The following RAB5A variants were observed in gnomAD, a reference collection of about 807,000 sequenced individuals.
The protein encoded by RAB5A is RAB5A, member RAS oncogene family.
In RAB5A, 8 loss-of-function variants were observed where a neutral mutation model predicts 25.7. The observed-to-expected ratio is 0.31, with a 90% CI of 0.18 to 0.56. The LOEUF (loss-of-function observed/expected upper bound fraction) is 0.56. RAB5A is among the 20% of genes least tolerant of loss of function. The pLI is 0.91. For missense variants in RAB5A, 192 were observed against 259.7 expected (o/e 0.74, Z 1.79); for synonymous variants, 98 against 89.8 (o/e 1.09, Z -0.52).
intron 5 of RAB5A, among the ~76,000 whole-genome samples, chr3:19,980,591 ACTCACCT>A (rs1375597884): frequency 6.6e-6 from 1 of 151,456 alleles, no homozygotes; most frequent in Non-Finnish European, 1.5e-5. Context: ...TCTTAATCTC[ACTCACCT>A]CTGATTTAAA....
intron 2 of RAB5A, among the ~76,000 whole-genome samples, chr3:19,957,158 G>C (rs1031850531): frequency 6.7e-6 from 1 of 148,158 alleles, no homozygotes; most frequent in Admixed American, 6.6e-5. Context: ...CAAACTCCTG[G>C]GCTACAGCAG....
At chr3:19,974,606 G>A (rs1696795826) in intron 2 of RAB5A, among the ~76,000 whole-genome samples, 1 of 151,382 alleles carries the variant, frequency 6.6e-6, no homozygotes, top group Non-Finnish European at 1.5e-5. Flanking sequence ...CAATTAAAGT[G>A]TCACAATGTT....
chr3:19,965,393 C>G (rs968231244), intron 2 of RAB5A, among the ~76,000 whole-genome samples: 60 of 150,300 alleles, frequency 4.0e-4, no homozygotes, highest in African/African-American at 1.4e-3. Context: ...CTGCCCCAAC[C>G]TGGGTGACAG....
At chr3:19,964,458 C>T (rs954967489) in intron 2 of RAB5A, among the ~76,000 whole-genome samples, 8 of 152,190 alleles carry the variant, frequency 5.3e-5, no homozygotes, top group African/African-American at 1.4e-4. Flanking sequence ...GTTCCTGTTA[C>T]GTAAATCTAA....
At chr3:19,974,098 G>A (rs769796159) in intron 2 of RAB5A, among the ~76,000 whole-genome samples, 4 of 152,082 alleles carry the variant, frequency 2.6e-5, no homozygotes, top group Non-Finnish European at 5.9e-5. Context: ...AGCAGCAGAG[G>A]GCGGTCTAAT....
chr3:19,978,480 T>C lies in RAB5A; in HGVS notation c.532+77T>C, dbSNP rs573306118. On this transcript the variant is annotated intron_variant, in intron 5 of 5. Coordinates refer to ENST00000273047, the MANE Select transcript of RAB5A (RefSeq NM_004162.5). ...AGCATATTTGGTTTGACTGTCTCTTTTTTAAAAAATTTTTGGGGGTGGGTT... is the reference window on the plus strand; with the variant it reads ...AGCATATTTGGTTTGACTGTCTCTTCTTTAAAAAATTTTTGGGGGTGGGTT... 9.1e-4 allele frequency: 980 copies of C among 1,073,952 alleles called. 4 individuals carry two copies. The highest frequency in any genetic ancestry group is 1.6e-3 in the Admixed American group (75 of 46,828). The allele number at this position is 1,073,952 out of a possible 1,614,324, so 66.5% of individuals were successfully genotyped here.
At chr3:19,979,648 A>G (rs574117877) in intron 5 of RAB5A, among the ~76,000 whole-genome samples, 32 of 152,298 alleles carry the variant, frequency 2.1e-4, no homozygotes, top group African/African-American at 7.7e-4. Context: ...TGGAGTAGTA[A>G]TAAGCCTCCT....
intron 2 of RAB5A, among the ~76,000 whole-genome samples, chr3:19,954,510 A>G (rs986799622): frequency 6.6e-5 from 10 of 152,288 alleles, no homozygotes; most frequent in Middle Eastern, 6.8e-3. Context: ...CCTAAATACA[A>G]TAACTTGATT....
chr3:19,957,069 A>G (rs948418943), intron 2 of RAB5A, among the ~76,000 whole-genome samples: 1 of 146,488 alleles, frequency 6.8e-6, no homozygotes, highest in African/African-American at 2.7e-5. Context: ...GGGACTGACT[A>G]TAGGCATGCA....
At chr3:19,949,968 G>A (rs1696399441) in intron 1 of RAB5A, among the ~76,000 whole-genome samples, 1 of 152,170 alleles carries the variant, frequency 6.6e-6, no homozygotes, top group Non-Finnish European at 1.5e-5. Context: ...AGCCCAGGAG[G>A]TCTAGGTTGC....
chr3:19,956,735 A>G (rs747850718), intron 2 of RAB5A, among the ~76,000 whole-genome samples: 1 of 152,234 alleles, frequency 6.6e-6, no homozygotes, highest in African/African-American at 2.4e-5. Context: ...AGTTTTTACC[A>G]CAATGCCTGG....
At chr3:19,957,481 C>T (rs1244791480) in intron 2 of RAB5A, among the ~76,000 whole-genome samples, 1 of 129,522 alleles carries the variant, frequency 7.7e-6, no homozygotes, top group African/African-American at 3.0e-5. Flanking sequence ...GGCCAAACCC[C>T]ATCCTTACTA....
intron 1 of RAB5A, among the ~76,000 whole-genome samples, chr3:19,949,698 A>G (rs1382845395): frequency 3.3e-5 from 5 of 152,238 alleles, no homozygotes; most frequent in South Asian, 4.1e-4. Context: ...AAAAATTAGC[A>G]TAGAAGTCGC....
At position 19,963,370 on chromosome 3, in the gene RAB5A, C is replaced by G. The variant is rs900487289; in HGVS notation, c.164-12231C>G. ...GGGGATATCTTAGAATTTCACCCCCCCCCCCCCCGACTTATTTTCGTAAGA... is the reference window on the plus strand; with the variant it reads ...GGGGATATCTTAGAATTTCACCCCCGCCCCCCCCGACTTATTTTCGTAAGA... On this transcript the variant is annotated intron_variant, in intron 2 of 5. Transcript: ENST00000273047. 3.7e-4 allele frequency among the ~76,000 whole-genome samples: 42 copies of G among 113,154 alleles called. 2 individuals are homozygous for G. The highest frequency in any genetic ancestry group is 5.6e-4 in the Non-Finnish European group (32 of 57,084). The allele number at this position is 113,154 out of a possible 152,430, so 74.2% of individuals were successfully genotyped here.
At chr3:19,962,578 A>C (rs956320108) in intron 2 of RAB5A, among the ~76,000 whole-genome samples, 1 of 152,136 alleles carries the variant, frequency 6.6e-6, no homozygotes, top group African/African-American at 2.4e-5. Context: ...CAAAAAAAAA[A>C]AGTACTGTCT....
chr3:19,955,002 T>G (rs1479027210), intron 2 of RAB5A, among the ~76,000 whole-genome samples: 1 of 152,190 alleles, frequency 6.6e-6, no homozygotes, highest in African/African-American at 2.4e-5. Flanking sequence ...AGCCCAGAGA[T>G]TAGCAGGGAG....
intron 5 of RAB5A, among the ~76,000 whole-genome samples, chr3:19,981,303 A>G (rs1325891536): frequency 6.6e-6 from 1 of 152,212 alleles, no homozygotes; most frequent in Non-Finnish European, 1.5e-5. Flanking sequence ...GAAACCCATC[A>G]TAAATTAAAA....
intron 2 of RAB5A, among the ~76,000 whole-genome samples, chr3:19,969,474 T>G (rs546196755): frequency 6.6e-5 from 10 of 152,378 alleles, no homozygotes; most frequent in Non-Finnish European, 1.3e-4. Flanking sequence ...CCTGAGGTTC[T>G]AAAGTTTTTC....
Position 19,968,641 on chromosome 3 carries a change from TAGAG to T in RAB5A, c.164-6957_164-6954del, listed in dbSNP as rs1559489957. ...GCCCAGCTAATTTTTGTATTTTTAA[TAGAG>T]AGCCAGGGTTTCACCATTTTGGCCA... On this transcript the variant is annotated intron_variant, in intron 2 of 5. Coordinates refer to ENST00000273047, the MANE Select transcript of RAB5A (RefSeq NM_004162.5). 3.3e-5 allele frequency among the ~76,000 whole-genome samples: 5 copies of T among 152,180 alleles called. No homozygotes were observed. In the South Asian group the frequency reaches 1.0e-3, roughly 32 times the overall value.
Sources: gnomAD v4.1 joint callset for allele counts (sites outside exome capture counted in the v4.1 genomes callset) on GRCh38, gnomAD v4.1.1 for gene constraint, MANE v1.5 for transcripts, NCBI Gene and HGNC (gene_info 2026-07-23, HGNC 2026-07-21) for gene names.